The following ITPR1 variants were observed in gnomAD, a reference collection of about 807,000 sequenced individuals.
The protein encoded by ITPR1 is inositol 1,4,5-trisphosphate-gated calcium channel ITPR1.
In ITPR1, 96 loss-of-function variants were observed where a neutral mutation model predicts 318.4. That is an observed-to-expected ratio of 0.30 (90% CI 0.26 to 0.36). The LOEUF (loss-of-function observed/expected upper bound fraction) is 0.36. ITPR1 is among the 10% of genes least tolerant of loss of function. ITPR1 has a pLI of 1.00. For synonymous variants in ITPR1, 1,312 were observed against 1,289.9 expected (o/e 1.02, Z -0.37); for missense variants, 2,440 against 3,460.2 (o/e 0.71, Z 7.40).
chr3:4,671,082 GT>G (rs1211244693), intron 20 of ITPR1, among the ~76,000 whole-genome samples, 156 bp downstream of exon 20: 1 of 152,196 alleles, frequency 6.6e-6, no homozygotes, highest in African/African-American at 2.4e-5. Context: ...GGAGTTTGGA[GT>G]GTAAGATTTC....
At chr3:4,735,585 C>G (rs959623388) in intron 44 of ITPR1, 5 of 525,704 alleles carry the variant, frequency 9.5e-6, no homozygotes, top group African/African-American at 9.5e-5. Flanking sequence ...TGATAAAACA[C>G]TGAGAATACG....
At chr3:4,674,062 T>C in intron 21 of ITPR1, 140 bp from the exon 22 acceptor site, 1 of 629,438 alleles carries the variant, frequency 1.6e-6, no homozygotes, top group Non-Finnish European at 2.7e-6. Flanking sequence ...TGGTGATATA[T>C]GCTAAGGAGG....
rs915930421 is a variant in ITPR1, at chr3:4,771,745, T to TA, written c.5979+2991dup. Reference sequence around the variant, plus strand: ...TAGTATATTTTAACATATTTTAACTTAAAAAAAAAAGACCTAGCAACATAA... The same window carrying TA: ...TAGTATATTTTAACATATTTTAACTTAAAAAAAAAAAGACCTAGCAACATAA... On this transcript the variant is annotated intron_variant, in intron 46 of 61. Transcript: ENST00000649015. Among the ~76,000 whole-genome samples the TA allele has an allele frequency of 8.6e-3, 1,274 of 147,886 alleles. 15 individuals carry two copies. Among genetic ancestry groups the TA allele is most frequent in the African/African-American group, 0.029 (1,184 of 40,432 alleles).
In ITPR1 at chr3:4,537,717, C is replaced by G. The variant is rs574329165; in HGVS notation, c.163+16623C>G. On this transcript the variant is annotated intron_variant, in intron 4 of 61. Transcript: ENST00000649015. ...AAGGAATGCAGGAAGCTGCAAAAGTCAAGAAAATTGATTCTCTCTTGAAGT... is the reference window on the plus strand; with the variant it reads ...AAGGAATGCAGGAAGCTGCAAAAGTGAAGAAAATTGATTCTCTCTTGAAGT... Among the ~76,000 whole-genome samples the G allele has an allele frequency of 5.4e-3, 793 of 146,570 alleles. 6 individuals carry two copies. Among genetic ancestry groups the G allele is most frequent in the African/African-American group, 0.02 (767 of 38,124 alleles).
chr3:4,493,524 G>C lies in ITPR1; in HGVS notation c.-174G>C, dbSNP rs2080300249. ...TCCTAACGGAACGAGCTCCCTCTTC[G>C]CGGACATGGGATTACCCAGCGGCTG... On this transcript the variant is annotated 5_prime_UTR_variant, in exon 1 of 62. Transcript: ENST00000649015. 6.5e-6 allele frequency: 1 copy of C among 153,392 alleles called. No individual in the cohort carries two copies. Among genetic ancestry groups the C allele is most frequent in the Non-Finnish European group, 1.5e-5 (1 of 68,212 alleles). 9.5% of individuals were successfully genotyped at this position (153,392 alleles called of 1,614,324 possible).
intron 60 of ITPR1, among the ~76,000 whole-genome samples, chr3:4,829,751 A>G (rs1356203349): frequency 6.6e-6 from 1 of 151,974 alleles, no homozygotes; most frequent in Non-Finnish European, 1.5e-5. Flanking sequence ...CATGTTGTGC[A>G]TTCTGTGGGT....
chr3:4,731,587 C>T lies in ITPR1; in HGVS notation c.5221-1501C>T, dbSNP rs533227484. On this transcript the variant is annotated intron_variant, in intron 42 of 61. Transcript: ENST00000649015. ...ATTCATTTAAAAATCAGTCCCCTCCCGTCTCCCCTGTTTATCCCATCCCAA... is the reference window on the plus strand; with the variant it reads ...ATTCATTTAAAAATCAGTCCCCTCCTGTCTCCCCTGTTTATCCCATCCCAA... Among the ~76,000 whole-genome samples, 8 of 152,296 alleles carry T rather than the reference C, an allele frequency of 5.3e-5. No homozygotes were observed. The South Asian group carries it at 1.4e-3, about 28-fold the overall frequency.
chr3:4,670,118 A>G (rs1166177677), intron 19 of ITPR1, among the ~76,000 whole-genome samples: 1 of 152,220 alleles, frequency 6.6e-6, no homozygotes, highest in Non-Finnish European at 1.5e-5. Flanking sequence ...CAGTGTTAAG[A>G]TTAAGTCAGT....
intron 37 of ITPR1, among the ~76,000 whole-genome samples, chr3:4,707,722 C>T (rs900384381): frequency 7.9e-5 from 12 of 152,162 alleles, no homozygotes; most frequent in African/African-American, 2.7e-4. Flanking sequence ...ACACATAGAG[C>T]AGTGCCTGGC....
At chr3:4,721,565 C>T (rs1191499154) in intron 40 of ITPR1, among the ~76,000 whole-genome samples, 1 of 137,690 alleles carries the variant, frequency 7.3e-6, no homozygotes, top group Non-Finnish European at 1.6e-5. Context: ...CACTGTTGGT[C>T]TCCTCTGAGG....
chr3:4,560,613 G>T (rs1215466354), intron 4 of ITPR1, among the ~76,000 whole-genome samples: 1 of 152,206 alleles, frequency 6.6e-6, no homozygotes, highest in East Asian at 1.9e-4. Flanking sequence ...GAAGAAGAGA[G>T]AACTGGATTT....
At chr3:4,516,906 AG>A (rs2082211664) in intron 3 of ITPR1, among the ~76,000 whole-genome samples, 1 of 152,228 alleles carries the variant, frequency 6.6e-6, no homozygotes, top group Non-Finnish European at 1.5e-5. Flanking sequence ...TAAAGTGTAA[AG>A]ATGAATATTT....
chr3:4,650,990 G>T (rs1243007461), intron 10 of ITPR1, among the ~76,000 whole-genome samples: 1 of 152,022 alleles, frequency 6.6e-6, no homozygotes, highest in Non-Finnish European at 1.5e-5. Context: ...TCCTTTGAAG[G>T]CTTATTTTCA....
intron 51 of ITPR1, among the ~76,000 whole-genome samples, chr3:4,786,081 C>G (rs796198014): frequency 2.6e-5 from 4 of 152,364 alleles, no homozygotes; most frequent in African/African-American, 9.6e-5. Context: ...GCCTCCTTGT[C>G]TACTCCTCCT....
At chr3:4,842,365 T>G (rs1214300777) in intron 61 of ITPR1, among the ~76,000 whole-genome samples, 2 of 152,288 alleles carry the variant, frequency 1.3e-5, no homozygotes, top group East Asian at 3.9e-4. Context: ...TGGTTTGGGT[T>G]TTTTGCTTTG....
intron 4 of ITPR1, among the ~76,000 whole-genome samples, chr3:4,572,672 G>T (rs931504): frequency 0.96 from 145,521 of 152,330 alleles, 69,558 homozygotes; most frequent in Middle Eastern, 1. Context: ...CACATTGCTG[G>T]GAGACAGATC....
intron 54 of ITPR1, among the ~76,000 whole-genome samples, chr3:4,804,806 C>G (rs973164660): frequency 6.6e-6 from 1 of 152,176 alleles, no homozygotes; most frequent in African/African-American, 2.4e-5. Flanking sequence ...AAGCCAGCAG[C>G]GATCTGTGGG....
At chr3:4,563,329 G>A (rs2086874098) in intron 4 of ITPR1, among the ~76,000 whole-genome samples, 1 of 152,060 alleles carries the variant, frequency 6.6e-6, no homozygotes, top group South Asian at 2.1e-4. Flanking sequence ...GCAACATAGG[G>A]ACACCGTACG....
intron 10 of ITPR1, among the ~76,000 whole-genome samples, chr3:4,649,202 G>C (rs1173654355): frequency 6.6e-6 from 1 of 152,208 alleles, no homozygotes; most frequent in African/African-American, 2.4e-5. Flanking sequence ...TTGTTTCACT[G>C]ATTTAATGTG....
Sources: allele counts gnomAD v4.1 joint callset (sites outside exome capture counted in the v4.1 genomes callset), GRCh38; gene constraint gnomAD v4.1.1; transcripts MANE v1.5; gene names NCBI Gene and HGNC (gene_info 2026-07-23, HGNC 2026-07-21).